Variants in KCNK5 observed in about 807,000 individuals in gnomAD.
The protein encoded by KCNK5 is potassium channel subfamily K member 5.
In KCNK5, 18 loss-of-function variants were observed where a neutral mutation model predicts 32.9. The observed-to-expected ratio is 0.55, with a 90% confidence interval of 0.38 to 0.81. The LOEUF (loss-of-function observed/expected upper bound fraction) is 0.81, where lower values mean the gene tolerates loss of function less well. Ranked by LOEUF, KCNK5 falls within the 30% of genes least tolerant of loss-of-function variation. KCNK5 has a pLI of 0.00. For missense variants in KCNK5, 507 were observed against 651.0 expected, an observed-to-expected ratio of 0.78 and a Z score of 2.41; for synonymous variants, 276 against 275.3, an observed-to-expected ratio of 1.00 and a Z score of -0.03.
intron 1 of KCNK5, among the ~76,000 whole-genome samples, chr6:39,226,157 A>G (rs1771667851): frequency 6.6e-6 from 1 of 152,186 alleles, no homozygotes; most frequent in Non-Finnish European, 1.5e-5. Flanking sequence ...TAGCACCCAC[A>G]ATGCCCAACA....
At chr6:39,221,248 TCCCACAGCCTGTGGCC>T (rs894427619) in intron 1 of KCNK5, among the ~76,000 whole-genome samples, 24 of 152,272 alleles carry the variant, frequency 1.6e-4, no homozygotes, top group African/African-American at 4.3e-4. Flanking sequence ...CATCAGTGGC[TCCCACAGCCTGTGGCC>T]CCCACAGCCT....
At position 39,223,659 on chromosome 6, in the gene KCNK5, T is replaced by C. The variant is rs186830724; in HGVS notation, c.186+5267A>G. Among the ~76,000 whole-genome samples the C allele has an allele frequency of 1.7e-3, 257 of 152,250 alleles. 1 individual carries two copies. Among genetic ancestry groups the C allele is most frequent in the African/African-American group, 5.4e-3 (225 of 41,548 alleles). On this transcript the variant is annotated intron_variant, in intron 1 of 4. Transcript: ENST00000359534. ...AGGCTCCACTCAGGGGCCTGGCTCC[T>C]CTGCTCCCCAAAACCTTGCACTTCT... is the stretch of plus-strand genomic sequence containing the variant.
At position 39,215,956 on chromosome 6, in the gene KCNK5, G is replaced by A. The variant is rs192327334; in HGVS notation, c.186+12970C>T. Among the ~76,000 whole-genome samples, 84 of 152,310 alleles carry A rather than the reference G, an allele frequency of 5.5e-4. No individual in the cohort carries two copies. In the Middle Eastern group the frequency reaches 0.01, roughly 19 times the overall value. ...GTTAACAACCCCACCTCTGAGCTGT[G>A]GCAGCCACTTATATAGCCAAAATGT... On this transcript the variant is annotated intron_variant, in intron 1 of 4. Transcript: ENST00000359534.
intron 1 of KCNK5, among the ~76,000 whole-genome samples, chr6:39,219,422 C>T (rs1771503080): frequency 6.6e-6 from 1 of 152,088 alleles, no homozygotes; most frequent in African/African-American, 2.4e-5. Context: ...GCAATGTGCT[C>T]AAGGCCTCAC....
Position 39,229,392 on chromosome 6 carries a change from G to C in KCNK5, c.-281C>G. 2.0e-6 allele frequency: 1 copy of C among 493,092 alleles called. No homozygotes were observed. The highest frequency in any genetic ancestry group is 5.8e-4 in the Middle Eastern group (1 of 1,724). 30.5% of individuals were successfully genotyped at this position (493,092 alleles called of 1,614,324 possible). ...CCTGGACCGCGGATGCGTAAGGAGC[G>C]GGAAGAACACAGGACTTGACTCTGG... is the stretch of plus-strand genomic sequence containing the variant. On this transcript the variant is annotated 5_prime_UTR_variant, in exon 1 of 5. Transcript: ENST00000359534.
At chr6:39,199,726 C>T (rs1771099515) in intron 1 of KCNK5, among the ~76,000 whole-genome samples, 1 of 152,364 alleles carries the variant, frequency 6.6e-6, no homozygotes, top group African/African-American at 2.4e-5. Flanking sequence ...CGGTTGCCTC[C>T]TCTGCTGTGG....
intron 1 of KCNK5, among the ~76,000 whole-genome samples, chr6:39,213,660 G>C (rs1265708389): frequency 6.6e-6 from 1 of 152,234 alleles, no homozygotes; most frequent in African/African-American, 2.4e-5. Context: ...GTGGGAAGCC[G>C]GCCTCAGGCA....
At chr6:39,193,831 A>G (rs1267862346) in intron 4 of KCNK5, among the ~76,000 whole-genome samples, 3 of 152,146 alleles carry the variant, frequency 2.0e-5, no homozygotes, top group Non-Finnish European at 4.4e-5. Flanking sequence ...GGTAGCAGGT[A>G]CCAACCGTGC....
rs748043000 is a variant in KCNK5 at position 39,191,442 on chromosome 6, G to C, written c.948C>G (p.Ser316Arg). 1.2e-6 allele frequency: 2 copies of C among 1,607,256 alleles called. No individual in the cohort carries two copies. The highest frequency in any genetic ancestry group is 2.7e-5 in the African/African-American group (2 of 74,832). Residue 316 changes from serine (S) to arginine (R), a missense_variant, in exon 5 of 5, where the codon AGC (serine) becomes AGG (arginine). Physicochemically the swap from Ser to Arg is moderately radical, Grantham distance 110. This residue lies in a region of KCNK5 where 252 missense variants were observed against 250.8 expected (regional missense o/e 1.00). Coordinates refer to ENST00000359534, the MANE Select transcript of KCNK5 (RefSeq NM_003740.4). This position sits in a 1 kb window ranked among gnomAD's most constrained non-coding sequence, Gnocchi z 5.8. ...KQIGKKAMKT[S>R]GGGETGPGPG... is the part of the protein sequence containing the mutation. ...GGCCCGGGCCCGTCTCCCCACCCCC[G>C]CTTGTCTTCATGGCCTTCTTCCCGA... is the stretch of plus-strand genomic sequence containing the variant.
intron 1 of KCNK5, among the ~76,000 whole-genome samples, chr6:39,221,849 C>A (rs551178090): frequency 6.6e-6 from 1 of 152,318 alleles, no homozygotes; most frequent in East Asian, 1.9e-4. Context: ...CAGCCTCTTC[C>A]ATCTACAACC....
chr6:39,198,330 C>CTGG (rs1333174720), intron 1 of KCNK5, among the ~76,000 whole-genome samples: 1 of 152,164 alleles, frequency 6.6e-6, no homozygotes, highest in African/African-American at 2.4e-5. Context: ...TGCTTAAGGC[C>CTGG]TGGTTTTCTT....
intron 1 of KCNK5, among the ~76,000 whole-genome samples, chr6:39,222,498 A>T (rs2113798580): frequency 6.6e-6 from 1 of 152,310 alleles, no homozygotes; most frequent in Non-Finnish European, 1.5e-5. Context: ...CCCCTACTTG[A>T]AAATTGCAAA....
intron 2 of KCNK5, among the ~76,000 whole-genome samples, chr6:39,195,497 A>C (rs560331859): frequency 2.6e-5 from 4 of 152,224 alleles, no homozygotes; most frequent in African/African-American, 9.6e-5. Context: ...ATGGTGAAAG[A>C]GAAGAAGCTG....
chr6:39,207,564 AG>A (rs921704234), intron 1 of KCNK5, among the ~76,000 whole-genome samples: 8 of 150,358 alleles, frequency 5.3e-5, no homozygotes, highest in African/African-American at 2.0e-4. Context: ...CAAAGCCCCC[AG>A]AGGTTCTAGC....
At chr6:39,217,118 CAAAAAAAAAAAAAAAAAA>C (rs57204833) in intron 1 of KCNK5, among the ~76,000 whole-genome samples, 1 of 74,446 alleles carries the variant, frequency 1.3e-5, no homozygotes, top group African/African-American at 4.6e-5. Flanking sequence ...AAAACTCCAT[CAAAAAAAAAAAAAAAAAA>C]AAAAAAAGAA....
intron 1 of KCNK5, among the ~76,000 whole-genome samples, chr6:39,221,678 T>C (rs1311066170): frequency 6.6e-6 from 1 of 152,194 alleles, no homozygotes; most frequent in Non-Finnish European, 1.5e-5. Context: ...ATCAATCTGG[T>C]AGCAGCTCCT....
At chr6:39,208,356 C>T (rs567944220) in intron 1 of KCNK5, among the ~76,000 whole-genome samples, 14 of 152,260 alleles carry the variant, frequency 9.2e-5, no homozygotes, top group Admixed American at 2.6e-4. Flanking sequence ...CCACCCAAAC[C>T]GGGCCCCCAG....
chr6:39,213,527 T>C (rs573519105), intron 1 of KCNK5, among the ~76,000 whole-genome samples: 1 of 152,286 alleles, frequency 6.6e-6, no homozygotes, highest in Non-Finnish European at 1.5e-5. Context: ...AAGCACCAGG[T>C]CCCTATTCCA....
At chr6:39,218,708 C>G (rs559229792) in intron 1 of KCNK5, among the ~76,000 whole-genome samples, 36 of 152,308 alleles carry the variant, frequency 2.4e-4, no homozygotes, top group South Asian at 1.7e-3. Context: ...GTACCTGGTG[C>G]TGCTGGCAAC....
Sources: allele counts gnomAD v4.1 joint callset (sites outside exome capture counted in the v4.1 genomes callset), GRCh38; gene constraint gnomAD v4.1.1; regional missense constraint gnomAD v4.1.1; non-coding constraint Gnocchi (gnomAD v3.1); transcripts MANE v1.5; gene names NCBI Gene and HGNC (gene_info 2026-07-23, HGNC 2026-07-21).